Variants in PRELID2 observed in about 807,000 individuals in gnomAD.
PRELID2 encodes PRELI domain containing 2.
Under a neutral mutation model 28.4 loss-of-function variants are expected in PRELID2, and 25 were observed. The observed-to-expected ratio is 0.88, with a 90% CI of 0.64 to 1.23. PRELID2 has a LOEUF of 1.23. PRELID2 is among the 50% of genes most tolerant of loss of function. The probability of loss-of-function intolerance (pLI) is 0.00; values close to 1 mark genes in which losing one functional copy is unlikely to be tolerated. For synonymous variants in PRELID2, 76 were observed against 71.6 expected (o/e 1.06, Z -0.31); for missense variants, 201 against 214.4 (o/e 0.94, Z 0.39).
At chr5:145,597,625 C>G (rs569953334) in intron 1 of PRELID2, among the ~76,000 whole-genome samples, 1 of 152,214 alleles carries the variant, frequency 6.6e-6, no homozygotes, top group South Asian at 2.1e-4. Flanking sequence ...CTCTTTCTCA[C>G]CCAGACAAAC....
At chr5:145,235,335 G>A in the PRELID2 span, among the ~76,000 whole-genome samples, 15 of 152,076 alleles carry the variant, frequency 9.9e-5, no homozygotes, top group Admixed American at 2.0e-4. Context: ...TACAGTTGTT[G>A]GAGAATTATA....
At chr5:145,571,874 T>C (rs1360251236) in intron 1 of PRELID2, among the ~76,000 whole-genome samples, 2 of 151,406 alleles carry the variant, frequency 1.3e-5, no homozygotes, top group African/African-American at 2.4e-5. Flanking sequence ...CCAGCTACTC[T>C]GGGAGTCTGA....
intron 1 of PRELID2, among the ~76,000 whole-genome samples, chr5:145,634,993 C>G (rs1753981279): frequency 6.6e-6 from 1 of 152,198 alleles, no homozygotes; most frequent in Admixed American, 6.5e-5. Flanking sequence ...CCATGCTCCA[C>G]ACAGTCCTAC....
chr5:145,459,973 G>A, the PRELID2 span, among the ~76,000 whole-genome samples: 1 of 151,928 alleles, frequency 6.6e-6, no homozygotes, highest in Admixed American at 6.6e-5. Flanking sequence ...ACCACTCCCA[G>A]CTAATTTTTG....
chr5:145,585,852 G>A (rs1484454241), intron 1 of PRELID2, among the ~76,000 whole-genome samples: 1 of 152,058 alleles, frequency 6.6e-6, no homozygotes, highest in East Asian at 1.9e-4. Flanking sequence ...AAAAGCCTTG[G>A]CACACCCATG....
the PRELID2 span, among the ~76,000 whole-genome samples, chr5:145,420,365 C>A: frequency 2.6e-5 from 4 of 152,010 alleles, no homozygotes; most frequent in Non-Finnish European, 4.4e-5. Flanking sequence ...TACCCATGAG[C>A]ATGGAATGTT....
At position 145,741,435 on chromosome 5, in the gene PRELID2, C is replaced by A. The variant is rs1212097834; in HGVS notation, n.70+23496G>T. 3.9e-5 allele frequency among the ~76,000 whole-genome samples: 4 copies of A among 102,092 alleles called. 1 individual carries two copies. The highest frequency in any genetic ancestry group is 1.3e-4 in the African/African-American group (3 of 23,354). The allele number at this position is 102,092 out of a possible 152,430, so 67.0% of individuals were successfully genotyped here. On this transcript the variant is annotated intron_variant and non_coding_transcript_variant, in intron 1 of 2. Coordinates refer to the PRELID2 transcript ENST00000510259. Reference sequence around the variant, plus strand: ...TATTTATAATTTATTTATATATAAACAAAATTTATTTATAAATAATTTATT... The same window carrying A: ...TATTTATAATTTATTTATATATAAAAAAAATTTATTTATAAATAATTTATT...
chr5:145,815,976 CT>C (rs1429793365), intron 4 of PRELID2, among the ~76,000 whole-genome samples: 1 of 150,644 alleles, frequency 6.6e-6, no homozygotes, highest in Non-Finnish European at 1.5e-5. Flanking sequence ...ATCTGAAAAA[CT>C]GTTCTCCAAA....
chr5:145,595,639 A>G (rs573875662), intron 1 of PRELID2, among the ~76,000 whole-genome samples: 3 of 152,142 alleles, frequency 2.0e-5, no homozygotes, highest in Non-Finnish European at 2.9e-5. Context: ...GACTACTGAA[A>G]CCTGCTTGGA....
chr5:145,605,396 G>C lies in PRELID2; in HGVS notation n.71-132081C>G, dbSNP rs1753490311. Among the ~76,000 whole-genome samples, 3 of 152,200 alleles carry C rather than the reference G, an allele frequency of 2.0e-5. No individual in the cohort carries two copies. In the South Asian group the frequency reaches 6.2e-4, roughly 32 times the overall value. ...GGCAAAAATCTTCTGCATATGGCTA[G>C]GCACTTATCCCAGCACCATTTATTA... On this transcript the variant is annotated intron_variant and non_coding_transcript_variant, in intron 1 of 2. Transcript: ENST00000510259.
rs998237102 is a variant in PRELID2 at position 145,760,181 on chromosome 5, C to T, written c.*355G>A. The T allele has an allele frequency of 6.6e-6, 1 of 152,110 alleles. No individual in the cohort carries two copies. The highest frequency in any genetic ancestry group is 1.5e-5 in the Non-Finnish European group (1 of 68,040). The allele number at this position is 152,110 out of a possible 1,614,324, so 9.4% of individuals were successfully genotyped here. On this transcript the variant is annotated 3_prime_UTR_variant, in exon 7 of 7. Transcript: ENST00000683046. ...ACCCTCTCCAGGCCTTTATCCTGTCCTTAGCTGCCCTGACACCATCATCAG... is the reference window on the plus strand; with the variant it reads ...ACCCTCTCCAGGCCTTTATCCTGTCTTTAGCTGCCCTGACACCATCATCAG...
the PRELID2 span, among the ~76,000 whole-genome samples, chr5:145,245,858 C>A: frequency 6.6e-6 from 1 of 152,030 alleles, no homozygotes; most frequent in Non-Finnish European, 1.5e-5. Context: ...TCTCACTAGA[C>A]TGTGCATGTC....
chr5:145,483,700 C>T (rs151191143), intron 1 of PRELID2, among the ~76,000 whole-genome samples: 1 of 152,230 alleles, frequency 6.6e-6, no homozygotes, highest in African/African-American at 2.4e-5. Context: ...TCCTTCAAGA[C>T]CACACATCCA....
intron 1 of PRELID2, among the ~76,000 whole-genome samples, chr5:145,663,975 A>C (rs1754541522): frequency 6.6e-6 from 1 of 152,160 alleles, no homozygotes; most frequent in Non-Finnish European, 1.5e-5. Flanking sequence ...TCAAGGTAGA[A>C]TGAAACAACA....
chr5:145,634,178 A>C (rs1250033119), intron 1 of PRELID2, among the ~76,000 whole-genome samples: 6 of 152,214 alleles, frequency 3.9e-5, no homozygotes, highest in African/African-American at 9.6e-5. Flanking sequence ...CAATAGTCTC[A>C]AAGTTAGTCT....
intron 5 of PRELID2, among the ~76,000 whole-genome samples, chr5:145,776,390 T>C (rs1758410495): frequency 6.6e-6 from 1 of 152,176 alleles, no homozygotes; most frequent in Non-Finnish European, 1.5e-5. Context: ...GTAGTGATGC[T>C]GACAATTCAG....
At chr5:145,520,584 T>A (rs749967886) in intron 1 of PRELID2, among the ~76,000 whole-genome samples, 3 of 152,168 alleles carry the variant, frequency 2.0e-5, no homozygotes, top group Non-Finnish European at 2.9e-5. Flanking sequence ...CCATCCCATG[T>A]CTTTCTCAGG....
chr5:145,646,249 CTAA>C (rs1754194368), intron 1 of PRELID2, among the ~76,000 whole-genome samples: 1 of 152,122 alleles, frequency 6.6e-6, no homozygotes, highest in East Asian at 1.9e-4. Flanking sequence ...TGTTTTTTCT[CTAA>C]TCTTTTCTTC....
At chr5:145,435,935 T>A in the PRELID2 span, among the ~76,000 whole-genome samples, 1 of 152,196 alleles carries the variant, frequency 6.6e-6, no homozygotes, top group African/African-American at 2.4e-5. Context: ...ACAAGATTTT[T>A]AAAATTTTTG....
Sources: gnomAD v4.1 joint callset for allele counts (sites outside exome capture counted in the v4.1 genomes callset) on GRCh38, gnomAD v4.1.1 for gene constraint, MANE v1.5 for transcripts, NCBI Gene and HGNC (gene_info 2026-07-23, HGNC 2026-07-21) for gene names.